Variants in ERBIN observed in about 807,000 individuals in gnomAD.
The protein encoded by ERBIN is densin-180-like protein.
Under a neutral mutation model 158.4 loss-of-function variants are expected in ERBIN, and 60 were observed. That is an observed-to-expected ratio of 0.38 (90% CI 0.31 to 0.47). The LOEUF is 0.47. Ranked by LOEUF, ERBIN falls within the 20% of genes least tolerant of loss-of-function variation. The pLI, the probability that ERBIN is intolerant of heterozygous loss-of-function variation, is 0.99. For missense variants in ERBIN, 1,610 were observed against 1,648.0 expected, an observed-to-expected ratio of 0.98 and a Z score of 0.40; for synonymous variants, 594 against 557.2, an observed-to-expected ratio of 1.07 and a Z score of -0.93.
Position 66,071,580 on chromosome 5 carries a change from A to G in ERBIN, c.3634-589A>G, listed in dbSNP as rs193278490. 2.6e-3 allele frequency among the ~76,000 whole-genome samples: 397 copies of G among 152,294 alleles called. 3 individuals are homozygous for G. Among genetic ancestry groups the G allele is most frequent in the African/African-American group, 9.1e-3 (377 of 41,558 alleles). ...AATGTGGCAGAATTAAGCTAAAGCAAATTTTATATTCATTTCACACCCCAA... is the reference window on the plus strand; with the variant it reads ...AATGTGGCAGAATTAAGCTAAAGCAGATTTTATATTCATTTCACACCCCAA... On this transcript the variant is annotated intron_variant, in intron 21 of 25. Transcript: ENST00000284037.
At chr5:65,961,601 T>A (rs909468987) in intron 1 of ERBIN, among the ~76,000 whole-genome samples, 2 of 152,172 alleles carry the variant, frequency 1.3e-5, no homozygotes, top group Non-Finnish European at 2.9e-5. Context: ...TTAAAGTTAG[T>A]GAAAATGCTG....
chr5:65,962,326 A>G (rs1748011871), intron 1 of ERBIN, among the ~76,000 whole-genome samples: 1 of 152,222 alleles, frequency 6.6e-6, no homozygotes, highest in Non-Finnish European at 1.5e-5. Flanking sequence ...GAAATTGGCT[A>G]TTAAGCTACT....
At chr5:65,986,637 AAG>A (rs1212551907) in intron 1 of ERBIN, among the ~76,000 whole-genome samples, 1 of 152,236 alleles carries the variant, frequency 6.6e-6, no homozygotes, top group African/African-American at 2.4e-5. Flanking sequence ...ACTTTTTATT[AAG>A]AGTATTATTT....
chr5:65,936,164 G>T (rs971067439), intron 1 of ERBIN, among the ~76,000 whole-genome samples: 4 of 152,116 alleles, frequency 2.6e-5, no homozygotes, highest in African/African-American at 4.8e-5. Flanking sequence ...CTGATGGAGG[G>T]GGGGTGGGGA....
At chr5:66,037,241 A>G (rs575707951) in intron 14 of ERBIN, among the ~76,000 whole-genome samples, 1 of 152,314 alleles carries the variant, frequency 6.6e-6, no homozygotes, top group South Asian at 2.1e-4. Context: ...TAAAAGAGCC[A>G]GGAATAGATG....
intron 1 of ERBIN, among the ~76,000 whole-genome samples, 183 bp downstream of exon 1, chr5:65,926,989 TC>T (rs1301430139): frequency 6.7e-6 from 1 of 149,222 alleles, no homozygotes; most frequent in East Asian, 2.0e-4. Flanking sequence ...GCGTCCCTTC[TC>T]CCCCCTGCCC....
Position 66,072,231 on chromosome 5 carries a change from G to A in ERBIN, c.3696G>A (p.Gln1232=), listed in dbSNP as rs1373327038. Residue 1232 remains glutamine (Q), a synonymous_variant, in exon 22 of 26, where the codon CAG becomes CAA. Transcript: ENST00000284037. ...AAGATGGTATATTCATTTCAGGACA[G>A]CAGAACTACTCATCAGCCACACTTA... ...PCQDGIFISG[Q]QNYSSATLSH... is the part of the protein sequence containing the mutation. 1 of 1,550,432 alleles carries A rather than the reference G, an allele frequency of 6.4e-7. No individual in the cohort carries two copies.
At position 66,054,701 on chromosome 5, in the gene ERBIN, C is replaced by G; in HGVS notation, c.3383C>G (p.Ser1128Cys). 1 of 1,614,136 alleles carries G rather than the reference C, an allele frequency of 6.2e-7. No individual in the cohort carries two copies. Among genetic ancestry groups the G allele is most frequent in the Non-Finnish European group, 8.5e-7 (1 of 1,179,998 alleles). The stretch of plus-strand genomic sequence containing the variant: ...ATGCCAGGATCACAGAGACCCCTTT[C>G]TGCACGAACATACAGCATAGATGGT... ...PMMPGSQRPL[S>C]ARTYSIDGPN... The change falls in exon 21 of 26, where the codon TCT (serine) becomes TGT (cysteine). Residue 1128 changes from serine (S) to cysteine (C), a missense_variant. Around this residue, in one of 2 missense-constraint regions of ERBIN, gnomAD observed 1,014 missense variants for 936.1 expected, o/e 1.08. Transcript: ENST00000284037.
chr5:65,964,476 G>A (rs1482928222), intron 1 of ERBIN, among the ~76,000 whole-genome samples: 1 of 152,144 alleles, frequency 6.6e-6, no homozygotes, highest in Non-Finnish European at 1.5e-5. Flanking sequence ...GTGTAGTTTG[G>A]TAAAATCTTC....
intron 1 of ERBIN, among the ~76,000 whole-genome samples, chr5:65,986,017 C>T (rs1390742397): frequency 6.6e-6 from 1 of 151,992 alleles, no homozygotes; most frequent in East Asian, 1.9e-4. Context: ...GGCTGCTTCT[C>T]TTCAGTGTCC....
intron 7 of ERBIN, among the ~76,000 whole-genome samples, chr5:66,018,581 A>ATATATTATATAT (rs1755286899): frequency 1.6e-5 from 1 of 63,078 alleles, no homozygotes; most frequent in Non-Finnish European, 3.0e-5. Context: ...ATTATATAAT[A>ATATATTATATAT]TATATTATAT....
At chr5:65,928,064 G>A (rs1742887111) in intron 1 of ERBIN, among the ~76,000 whole-genome samples, 4 of 152,110 alleles carry the variant, frequency 2.6e-5, no homozygotes, top group Non-Finnish European at 5.9e-5. Context: ...GAAACCCGAG[G>A]AGAGAGTTGA....
chr5:65,953,514 T>C (rs1469271190), intron 1 of ERBIN, among the ~76,000 whole-genome samples: 1 of 152,178 alleles, frequency 6.6e-6, no homozygotes, highest in Non-Finnish European at 1.5e-5. Flanking sequence ...AAGGGATCCA[T>C]GTTGCTACAT....
chr5:65,941,237 C>T (rs1744974837), intron 1 of ERBIN, among the ~76,000 whole-genome samples: 2 of 150,308 alleles, frequency 1.3e-5, no homozygotes, highest in South Asian at 2.1e-4. Context: ...ACTTGTTTAT[C>T]TGCTGACCCT....
chr5:65,956,997 T>C (rs1444656968), intron 1 of ERBIN, among the ~76,000 whole-genome samples: 1 of 152,180 alleles, frequency 6.6e-6, no homozygotes, highest in Admixed American at 6.5e-5. Context: ...GGTAATAATA[T>C]TACAAGCAGC....
At chr5:65,996,264 T>TA (rs1736380430) in intron 4 of ERBIN, among the ~76,000 whole-genome samples, 1 of 106,660 alleles carries the variant, frequency 9.4e-6, no homozygotes, top group African/African-American at 3.1e-5. Context: ...TTTTTTTTTT[T>TA]TAACAGTTTT....
intron 4 of ERBIN, among the ~76,000 whole-genome samples, chr5:66,007,044 T>C (rs1333287569): frequency 6.7e-6 from 1 of 150,102 alleles, no homozygotes; most frequent in Non-Finnish European, 1.5e-5. Context: ...ACTGGGTATA[T>C]ACCCAAAGGA....
intron 22 of ERBIN, among the ~76,000 whole-genome samples, chr5:66,074,418 TAAG>T (rs754719059): frequency 7.4e-4 from 62 of 84,268 alleles, no homozygotes; most frequent in South Asian, 2.4e-3. Context: ...GAATTAATAA[TAAG>T]AGATTATAAA....
At chr5:66,063,777 A>T (rs1432629151) in intron 21 of ERBIN, among the ~76,000 whole-genome samples, 1 of 152,216 alleles carries the variant, frequency 6.6e-6, no homozygotes, top group Admixed American at 6.5e-5. Flanking sequence ...TTTATCAAGG[A>T]TGATGATCTT....
Sources: gnomAD v4.1 joint callset for allele counts (sites outside exome capture counted in the v4.1 genomes callset) on GRCh38, gnomAD v4.1.1 for gene constraint, gnomAD v4.1.1 regional missense constraint, MANE v1.5 for transcripts, NCBI Gene and HGNC (gene_info 2026-07-23, HGNC 2026-07-21) for gene names.